Variants in SYNDIG1 observed in about 807,000 individuals in gnomAD.
SYNDIG1 encodes synapse differentiation inducing 1.
Under a neutral mutation model 19.4 loss-of-function variants are expected in SYNDIG1, and 9 were observed. That is an observed-to-expected ratio of 0.46 (90% CI 0.28 to 0.81). The LOEUF (loss-of-function observed/expected upper bound fraction) is 0.81, where lower values mean the gene tolerates loss of function less well. Among genes scored for constraint, SYNDIG1 ranks in the 30% least tolerant of loss-of-function variants. The pLI is 0.12. For synonymous variants in SYNDIG1, 141 were observed against 145.9 expected, an observed-to-expected ratio of 0.97 and a Z score of 0.24; for missense variants, 311 against 343.3, an observed-to-expected ratio of 0.91 and a Z score of 0.74.
At chr20:24,584,501 G>A (rs2058380889) in intron 2 of SYNDIG1, among the ~76,000 whole-genome samples, 1 of 152,326 alleles carries the variant, frequency 6.6e-6, no homozygotes, top group East Asian at 1.9e-4. Context: ...CCTACAGGCA[G>A]TCCCTGCAAA....
chr20:24,587,292 G>A (rs1002675423), intron 3 of SYNDIG1, among the ~76,000 whole-genome samples: 1 of 152,192 alleles, frequency 6.6e-6, no homozygotes, highest in African/African-American at 2.4e-5. Flanking sequence ...AACTACAACA[G>A]AGAAGAGGTG....
At chr20:24,623,055 T>C (rs1264712612) in intron 3 of SYNDIG1, among the ~76,000 whole-genome samples, 1 of 152,168 alleles carries the variant, frequency 6.6e-6, no homozygotes, top group Admixed American at 6.5e-5. Flanking sequence ...TGTGCAACTC[T>C]GTAATCTGAG....
chr20:24,662,161 A>T (rs142343241), intron 3 of SYNDIG1, among the ~76,000 whole-genome samples: 1,668 of 151,874 alleles, frequency 0.011, 20 homozygotes, highest in Non-Finnish European at 0.017. Context: ...TCTAACGGTG[A>T]CAACTTCAGC....
At chr20:24,473,443 G>T (rs1393057291) in intron 1 of SYNDIG1, among the ~76,000 whole-genome samples, 2 of 152,158 alleles carry the variant, frequency 1.3e-5, no homozygotes, top group African/African-American at 4.8e-5. Context: ...GAACAAATGT[G>T]GTTTCTCAGC....
intron 3 of SYNDIG1, among the ~76,000 whole-genome samples, chr20:24,621,293 A>T (rs1179962578): frequency 2.6e-5 from 4 of 152,152 alleles, no homozygotes; most frequent in Non-Finnish European, 5.9e-5. Context: ...TTATCTATTT[A>T]CTTTTGCTAC....
At chr20:24,559,717 T>G (rs1222198846) in intron 2 of SYNDIG1, among the ~76,000 whole-genome samples, 1 of 152,196 alleles carries the variant, frequency 6.6e-6, no homozygotes. Context: ...TCTTTTGCTC[T>G]CATTTTTGGA....
chr20:24,500,661 C>T (rs1038619508), intron 1 of SYNDIG1, among the ~76,000 whole-genome samples: 11 of 152,036 alleles, frequency 7.2e-5, no homozygotes, highest in Non-Finnish European at 1.6e-4. Flanking sequence ...TGTGTGCAGA[C>T]ACCACAGCAT....
intron 1 of SYNDIG1, among the ~76,000 whole-genome samples, chr20:24,480,990 T>C (rs2055780187): frequency 6.6e-6 from 1 of 152,176 alleles, no homozygotes; most frequent in Non-Finnish European, 1.5e-5. Flanking sequence ...TGGGAGTTAT[T>C]GTTTAAAGGG....
At chr20:24,544,748 G>T (rs949496626) in intron 2 of SYNDIG1, among the ~76,000 whole-genome samples, 2 of 152,210 alleles carry the variant, frequency 1.3e-5, no homozygotes, top group African/African-American at 4.8e-5. Flanking sequence ...AGCACAGCCA[G>T]AGAAGCTCCT....
In SYNDIG1 at chr20:24,658,658, C is replaced by T. The variant is rs1227120668; in HGVS notation, c.619-6688C>T. Among the ~76,000 whole-genome samples the T allele has an allele frequency of 6.6e-6, 1 of 151,458 alleles. No homozygotes were observed. ...TCACTGAATGTGAAATAGATTCCCACGAGGCATGTGGGTGTGGAGCCTGTT... is the reference window on the plus strand; with the variant it reads ...TCACTGAATGTGAAATAGATTCCCATGAGGCATGTGGGTGTGGAGCCTGTT... On this transcript the variant is annotated intron_variant, in intron 3 of 3. Transcript: ENST00000376862. This position sits in a 1 kb window ranked among gnomAD's most constrained non-coding sequence, Gnocchi z 4.4.
At chr20:24,534,958 G>A (rs1042320449) in intron 1 of SYNDIG1, among the ~76,000 whole-genome samples, 1 of 152,190 alleles carries the variant, frequency 6.6e-6, no homozygotes, top group African/African-American at 2.4e-5. Context: ...GCTGGCTTTT[G>A]CCCAGCTGGA....
intron 2 of SYNDIG1, among the ~76,000 whole-genome samples, chr20:24,576,547 G>C (rs1408935957): frequency 1.3e-5 from 2 of 152,194 alleles, no homozygotes; most frequent in Non-Finnish European, 2.9e-5. Flanking sequence ...GCGGGGCTCT[G>C]AGATCTGCTT....
intron 2 of SYNDIG1, among the ~76,000 whole-genome samples, chr20:24,544,366 G>T (rs544864390): frequency 2.6e-5 from 4 of 152,188 alleles, no homozygotes; most frequent in African/African-American, 7.2e-5. Context: ...CCCAGGACGC[G>T]ATGTCAGGGA....
chr20:24,657,978 G>A (rs147041955), intron 3 of SYNDIG1, among the ~76,000 whole-genome samples: 101 of 152,272 alleles, frequency 6.6e-4, no homozygotes, highest in Non-Finnish European at 1.2e-3. Context: ...GCCTGTCCCA[G>A]ATCTCGGGAG....
At chr20:24,525,296 T>C (rs923463671) in intron 1 of SYNDIG1, among the ~76,000 whole-genome samples, 1 of 146,796 alleles carries the variant, frequency 6.8e-6, no homozygotes, top group Non-Finnish European at 1.5e-5. Flanking sequence ...CTTTTTTTTT[T>C]TTTTTTTTTT....
At chr20:24,564,769 G>C (rs1424819820) in intron 2 of SYNDIG1, among the ~76,000 whole-genome samples, 1 of 111,236 alleles carries the variant, frequency 9.0e-6, no homozygotes, top group East Asian at 3.2e-4. Context: ...AAAGTGTGCT[G>C]AATGATTCTT....
chr20:24,530,558 C>G (rs1366869538), intron 1 of SYNDIG1, among the ~76,000 whole-genome samples: 1 of 152,154 alleles, frequency 6.6e-6, no homozygotes, highest in African/African-American at 2.4e-5. Context: ...TCTCTATACA[C>G]TTGGGCCTTG....
At chr20:24,532,714 C>A (rs572985356) in intron 1 of SYNDIG1, among the ~76,000 whole-genome samples, 3 of 152,232 alleles carry the variant, frequency 2.0e-5, no homozygotes, top group Non-Finnish European at 4.4e-5. Context: ...CAGCCGTGAG[C>A]ATCCATGCAT....
chr20:24,584,537 A>G (rs2058381685), intron 2 of SYNDIG1, among the ~76,000 whole-genome samples: 1 of 152,034 alleles, frequency 6.6e-6, no homozygotes, highest in South Asian at 2.1e-4. Context: ...CTTTGTCCCC[A>G]CCATCCAGGC....
Sources: allele counts gnomAD v4.1 joint callset (sites outside exome capture counted in the v4.1 genomes callset), GRCh38; gene constraint gnomAD v4.1.1; non-coding constraint Gnocchi (gnomAD v3.1); transcripts MANE v1.5; gene names NCBI Gene and HGNC (gene_info 2026-07-23, HGNC 2026-07-21).